ST6GAL1: variants seen among roughly 807,000 people sequenced by gnomAD.
ST6GAL1 encodes the protein ST6 beta-galactoside alpha-2,6-sialyltransferase 1, also known as beta-galactoside alpha-2,6-sialyltransferase 1.
ST6GAL1 carries 20 observed loss-of-function variants against 38.0 expected under a neutral mutation model. The ratio of observed to expected loss-of-function variants is 0.53; its 90% CI spans 0.37 to 0.77. The LOEUF (loss-of-function observed/expected upper bound fraction) is 0.77. ST6GAL1 is among the 30% of genes least tolerant of loss of function. The probability of loss-of-function intolerance (pLI) is 0.00; values close to 1 mark genes in which losing one functional copy is unlikely to be tolerated. For missense variants in ST6GAL1, 432 were observed against 496.4 expected, an observed-to-expected ratio of 0.87 and a Z score of 1.23; for synonymous variants, 196 against 188.2, an observed-to-expected ratio of 1.04 and a Z score of -0.34.
At chr3:187,041,339 G>A (rs1185144856) in intron 3 of ST6GAL1, among the ~76,000 whole-genome samples, 1 of 152,162 alleles carries the variant, frequency 6.6e-6, no homozygotes, top group Admixed American at 6.5e-5. Flanking sequence ...TCCATGGGAA[G>A]GGACCTCAGA....
At chr3:186,971,689 T>A (rs191482343) in intron 2 of ST6GAL1, among the ~76,000 whole-genome samples, 4 of 152,216 alleles carry the variant, frequency 2.6e-5, no homozygotes, top group Non-Finnish European at 4.4e-5. Context: ...AAAGTGATAT[T>A]TTATAGAGCT....
At position 187,027,874 on chromosome 3, in the gene ST6GAL1, C is replaced by T. The variant is rs151187366; in HGVS notation, c.-182-10868C>T. On this transcript the variant is annotated intron_variant, in intron 2 of 7. Coordinates refer to ENST00000169298, the MANE Select transcript of ST6GAL1 (RefSeq NM_173216.2). ...AGCAACGAGACCAGTAAGGCATTACCGGTAAGGCAGAGAAAAGCCAGGAGA... is the reference window on the plus strand; with the variant it reads ...AGCAACGAGACCAGTAAGGCATTACTGGTAAGGCAGAGAAAAGCCAGGAGA... 1.5e-3 allele frequency among the ~76,000 whole-genome samples: 235 copies of T among 152,154 alleles called. No individual in the cohort carries two copies. The Middle Eastern group carries it at 0.041, about 27-fold the overall frequency.
At chr3:186,933,174 C>CGCTG (rs1238665862) in intron 1 of ST6GAL1, among the ~76,000 whole-genome samples, 2 of 152,044 alleles carry the variant, frequency 1.3e-5, no homozygotes, top group African/African-American at 4.8e-5. Context: ...TGGTTTTCTA[C>CGCTG]GCTGCCGTGC....
chr3:186,934,336 G>C (rs1316393554), intron 1 of ST6GAL1, among the ~76,000 whole-genome samples: 4 of 152,096 alleles, frequency 2.6e-5, no homozygotes, highest in Non-Finnish European at 5.9e-5. Context: ...TTGAGCTCAG[G>C]AGTTTGAGAC....
chr3:186,992,282 G>C (rs561722686), intron 2 of ST6GAL1, among the ~76,000 whole-genome samples: 1 of 152,210 alleles, frequency 6.6e-6, no homozygotes, highest in Non-Finnish European at 1.5e-5. Context: ...GGTATTTTAA[G>C]TGTTTGGTAC....
intron 4 of ST6GAL1, among the ~76,000 whole-genome samples, chr3:187,051,002 A>G (rs575068731): frequency 2.6e-5 from 4 of 152,310 alleles, no homozygotes; most frequent in African/African-American, 9.6e-5. Flanking sequence ...ATGTCTTTGA[A>G]TGGGTTTCAG....
intron 1 of ST6GAL1, among the ~76,000 whole-genome samples, chr3:186,934,561 A>G (rs899408624): frequency 6.6e-6 from 1 of 151,868 alleles, no homozygotes; most frequent in Non-Finnish European, 1.5e-5. Flanking sequence ...ACCCTGTCTC[A>G]AAAACAGAAA....
At chr3:187,012,945 G>C (rs1260001781) in intron 2 of ST6GAL1, among the ~76,000 whole-genome samples, 1 of 152,236 alleles carries the variant, frequency 6.6e-6, no homozygotes, top group Non-Finnish European at 1.5e-5. Flanking sequence ...CTGCTCTGTG[G>C]AAATGAAAGC....
intron 1 of ST6GAL1, among the ~76,000 whole-genome samples, chr3:186,945,179 A>T (rs1485958614): frequency 6.6e-6 from 1 of 152,070 alleles, no homozygotes; most frequent in Non-Finnish European, 1.5e-5. Context: ...GTGGTAGTGC[A>T]TGCCTGTAGT....
intron 1 of ST6GAL1, chr3:186,942,332 TA>T (rs1259976042): frequency 6.6e-6 from 1 of 152,264 alleles, no homozygotes; most frequent in East Asian, 1.9e-4. Context: ...CTTGTATTCT[TA>T]AATTATTTCC....
chr3:186,984,612 C>T (rs1715804807), intron 2 of ST6GAL1, among the ~76,000 whole-genome samples: 1 of 152,174 alleles, frequency 6.6e-6, no homozygotes, highest in African/African-American at 2.4e-5. Flanking sequence ...CTATCTGCAA[C>T]TCTTTGTTCA....
chr3:186,966,457 T>TG lies in ST6GAL1; in HGVS notation c.-183+2532dup, dbSNP rs531482386. ...AAAAGAGATACACTAAGGCTGTCTG[T>TG]GACCTCCACAGCTTCTCAAAGCTAG... On this transcript the variant is annotated intron_variant, in intron 2 of 7. Transcript: ENST00000169298. 5.3e-4 allele frequency among the ~76,000 whole-genome samples: 81 copies of TG among 152,354 alleles called. No homozygotes were observed. The East Asian group carries it at 0.013, about 24-fold the overall frequency.
intron 2 of ST6GAL1, among the ~76,000 whole-genome samples, chr3:187,003,326 A>T (rs1445058503): frequency 6.6e-6 from 1 of 152,294 alleles, no homozygotes; most frequent in African/African-American, 2.4e-5. Flanking sequence ...GAGAGGGGGC[A>T]ATCTGCTGTA....
chr3:187,065,820 C>G (rs138915500), intron 5 of ST6GAL1, among the ~76,000 whole-genome samples: 3 of 152,234 alleles, frequency 2.0e-5, no homozygotes, highest in East Asian at 1.9e-4. Context: ...ATTATATATA[C>G]CATCTAAGGG....
chr3:187,043,454 T>G, intron 4 of ST6GAL1, 144 bp downstream of exon 4: 1 of 1,222,430 alleles, frequency 8.2e-7, no homozygotes. Context: ...GAGTCACAAG[T>G]GACACAGAGG....
intron 2 of ST6GAL1, among the ~76,000 whole-genome samples, chr3:186,969,176 T>C (rs6444189): frequency 0.9 from 136,920 of 151,516 alleles, 61,867 homozygotes; most frequent in East Asian, 0.93. Flanking sequence ...CTCAGCCTCC[T>C]GAGTAGCTGG....
chr3:187,024,861 T>G (rs1560166913), intron 2 of ST6GAL1: 1 of 152,178 alleles, frequency 6.6e-6, no homozygotes, highest in African/African-American at 2.4e-5. Flanking sequence ...TTGAGCAGGT[T>G]AGTGTAAAAG....
intron 2 of ST6GAL1, among the ~76,000 whole-genome samples, chr3:187,012,068 C>G (rs975431218): frequency 6.6e-6 from 1 of 152,156 alleles, no homozygotes; most frequent in African/African-American, 2.4e-5. Flanking sequence ...ACATCTTCCT[C>G]CCCACTCACT....
chr3:186,966,744 A>AG (rs1169189075), intron 2 of ST6GAL1, among the ~76,000 whole-genome samples: 5 of 152,190 alleles, frequency 3.3e-5, no homozygotes, highest in Non-Finnish European at 7.3e-5. Flanking sequence ...CTGATGCCCC[A>AG]GGAGGTGAGG....
Sources: gnomAD v4.1 joint callset for allele counts (sites outside exome capture counted in the v4.1 genomes callset) on GRCh38, gnomAD v4.1.1 for gene constraint, MANE v1.5 for transcripts, NCBI Gene and HGNC (gene_info 2026-07-23, HGNC 2026-07-21) for gene names.